The following DMD variants were observed in gnomAD, a reference collection of about 807,000 sequenced individuals.
DMD encodes the protein dystrophin, also known as mutant dystrophin.
In DMD, 63 loss-of-function variants were observed where a neutral mutation model predicts 330.1. The ratio of observed to expected loss-of-function variants is 0.19; its 90% CI spans 0.16 to 0.24. The LOEUF is 0.24. DMD is among the 10% of genes least tolerant of loss of function. DMD has a pLI of 1.00. For synonymous variants in DMD, 1,223 were observed against 959.8 expected (o/e 1.27, Z -5.07); for missense variants, 3,344 against 2,684.1 (o/e 1.25, Z -5.43).
chrX:33,096,032 T>C (rs917632414), intron 1 of DMD, among the ~76,000 whole-genome samples: 12 of 88,000 alleles, frequency 1.4e-4, no homozygotes, highest in Non-Finnish European at 2.5e-4. Flanking sequence ...TGGAGTGCAG[T>C]GGTGCGATCT....
rs760415449 is a variant in DMD, at chrX:31,496,962, C to T, written c.8391-18G>A. The T allele has an allele frequency of 1.1e-5, 13 of 1,196,391 alleles. No homozygotes were observed. The highest frequency in any genetic ancestry group is 6.8e-5 in the Admixed American group (3 of 44,382). The stretch of plus-strand genomic sequence containing the variant: ...AATGGGACCTGAAAAAGAACAGCAG[C>T]GTACCATGTCAGAATATCTAGAAGT... On this transcript the variant is annotated intron_variant, in intron 56 of 78. Transcript: ENST00000357033.
At chrX:33,324,926 G>A (rs113640026) in intron 1 of DMD, among the ~76,000 whole-genome samples, 32 of 110,737 alleles carry the variant, frequency 2.9e-4, no homozygotes, top group African/African-American at 1.0e-3. Context: ...CTTTCATGCC[G>A]TTTTATATTA....
rs186327434 is a variant in DMD, at chrX:31,781,672, C to T, written c.7310-7480G>A. ...AACATTATATGAATTCATCTACATG[C>T]GCTCAGTGAAAAGCAGGGTTTCTCA... On this transcript the variant is annotated intron_variant, in intron 50 of 78. Transcript: ENST00000357033. 6.3e-5 allele frequency among the ~76,000 whole-genome samples: 7 copies of T among 110,686 alleles called. No homozygotes were observed. The East Asian group carries it at 8.6e-4, about 14-fold the overall frequency.
chrX:32,160,012 GA>G (rs2096843415), intron 44 of DMD, among the ~76,000 whole-genome samples: 1 of 111,164 alleles, frequency 9.0e-6, no homozygotes. Context: ...GGAAGCTACT[GA>G]AGGATTTTAA....
intron 55 of DMD, among the ~76,000 whole-genome samples, chrX:31,598,153 T>C (rs775502468): frequency 1.6e-4 from 18 of 110,044 alleles, no homozygotes; most frequent in African/African-American, 6.0e-4. Context: ...TTCTGTCACC[T>C]AGACTGGAGT....
rs2051917738 is a variant in DMD at position 33,211,535 on chromosome X, A to G, written c.-223T>C. 5 of 1,054,689 alleles carry G rather than the reference A, an allele frequency of 4.7e-6. No individual in the cohort carries two copies. The South Asian group carries it at 1.0e-4, about 22-fold the overall frequency. 86.9% of individuals were successfully genotyped at this position (1,054,689 alleles called of 1,213,427 possible). On this transcript the variant is annotated 5_prime_UTR_variant, in exon 1 of 79. Transcript: ENST00000357033. ...GAGTGATCCCAACACTGAGTGAGTCAACACAGTAACTGATGCCAGGATTCT... is the reference window on the plus strand; with the variant it reads ...GAGTGATCCCAACACTGAGTGAGTCGACACAGTAACTGATGCCAGGATTCT...
intron 41 of DMD, among the ~76,000 whole-genome samples, chrX:32,341,021 C>T (rs2097739013): frequency 9.0e-6 from 1 of 111,638 alleles, no homozygotes; most frequent in South Asian, 3.7e-4. Context: ...AACATACTTC[C>T]CTTATATGCT....
chrX:31,807,740 T>G (rs926753854), intron 50 of DMD, among the ~76,000 whole-genome samples: 2 of 111,756 alleles, frequency 1.8e-5, no homozygotes, highest in African/African-American at 6.5e-5. Flanking sequence ...TATTGTTGTT[T>G]AATTTCATTT....
chrX:31,445,738 C>G (rs1313990209), intron 59 of DMD, among the ~76,000 whole-genome samples: 1 of 111,339 alleles, frequency 9.0e-6, no homozygotes, highest in Non-Finnish European at 1.9e-5. Flanking sequence ...GCAGGAGTCT[C>G]TGATGCAATA....
chrX:32,387,434 C>A (rs1386218206), intron 32 of DMD, among the ~76,000 whole-genome samples: 1 of 111,204 alleles, frequency 9.0e-6, no homozygotes, highest in Non-Finnish European at 1.9e-5. Flanking sequence ...TAAATCTGAA[C>A]TATCAGTACT....
intron 62 of DMD, among the ~76,000 whole-genome samples, chrX:31,306,115 T>G (rs1243658941): frequency 9.0e-6 from 1 of 111,408 alleles, no homozygotes; most frequent in African/African-American, 3.3e-5. Flanking sequence ...ACTTGGAAAT[T>G]GGGAAAACAT....
At chrX:31,220,677 C>T (rs760940917) in intron 64 of DMD, among the ~76,000 whole-genome samples, 2 of 110,635 alleles carry the variant, frequency 1.8e-5, no homozygotes, top group Non-Finnish European at 3.8e-5. Flanking sequence ...GATCCCTAAA[C>T]GTTGTTTGTA....
intron 44 of DMD, among the ~76,000 whole-genome samples, chrX:32,077,256 C>T (rs1244051662): frequency 9.0e-6 from 1 of 110,742 alleles, no homozygotes; most frequent in Non-Finnish European, 1.9e-5. Flanking sequence ...TGTGCAAATT[C>T]ATCTAGCTGC....
chrX:31,201,193 A>G (rs1432399775), intron 67 of DMD, among the ~76,000 whole-genome samples: 2 of 106,233 alleles, frequency 1.9e-5, no homozygotes, highest in Non-Finnish European at 3.9e-5. Context: ...ACACACACAC[A>G]CACACGCACA....
Position 32,896,693 on chromosome X carries a change from C to A in DMD, c.94-46873G>T, listed in dbSNP as rs778152482. The stretch of plus-strand genomic sequence containing the variant: ...TGTGCAACTATGTCTCAAGGTTACC[C>A]AAGTTAAAATTTGGAGCAACTAAAC... On this transcript the variant is annotated intron_variant, in intron 2 of 78. Transcript: ENST00000357033. 2.7e-5 allele frequency among the ~76,000 whole-genome samples: 3 copies of A among 112,259 alleles called. 1 individual carries two copies. In the South Asian group the frequency reaches 1.1e-3, roughly 41 times the overall value.
chrX:31,685,458 T>C (rs947349832), intron 52 of DMD, among the ~76,000 whole-genome samples: 2 of 112,418 alleles, frequency 1.8e-5, no homozygotes, highest in Admixed American at 9.4e-5. Context: ...TGCTCTCATA[T>C]GTGCAGTCAT....
chrX:31,413,513 G>A (rs1275189577), intron 60 of DMD, among the ~76,000 whole-genome samples: 1 of 111,701 alleles, frequency 9.0e-6, no homozygotes, highest in Admixed American at 9.5e-5. Flanking sequence ...ATTAATAAGT[G>A]CACAATGTAT....
intron 1 of DMD, among the ~76,000 whole-genome samples, chrX:33,209,108 T>G (rs945437754): frequency 1.8e-5 from 2 of 111,203 alleles, no homozygotes; most frequent in African/African-American, 6.5e-5. Flanking sequence ...CTAGCTGGAA[T>G]AGTGTCAGCC....
chrX:33,126,196 T>A (rs2095463919), intron 1 of DMD, among the ~76,000 whole-genome samples: 1 of 112,267 alleles, frequency 8.9e-6, no homozygotes, highest in Non-Finnish European at 1.9e-5. Context: ...AATATTTTAT[T>A]CAATATTTTA....
Sources: allele counts gnomAD v4.1 joint callset (sites outside exome capture counted in the v4.1 genomes callset), GRCh38; gene constraint gnomAD v4.1.1; transcripts MANE v1.5; gene names NCBI Gene and HGNC (gene_info 2026-07-23, HGNC 2026-07-21).